GULP1: variants seen among roughly 807,000 people sequenced by gnomAD.
The protein encoded by GULP1 is PTB domain-containing engulfment adapter protein 1.
Under a neutral mutation model 40.9 loss-of-function variants are expected in GULP1, and 19 were observed. The ratio of observed to expected loss-of-function variants is 0.46; its 90% CI spans 0.32 to 0.68. The LOEUF (loss-of-function observed/expected upper bound fraction) is 0.68, where lower values mean the gene tolerates loss of function less well. GULP1 is among the 30% of genes least tolerant of loss of function. The pLI is 0.03. For synonymous variants in GULP1, 119 were observed against 117.6 expected (o/e 1.01, Z -0.08); for missense variants, 312 against 362.2 (o/e 0.86, Z 1.12).
At chr2:188,486,582 T>A (rs1396821976) in intron 4 of GULP1, among the ~76,000 whole-genome samples, 1 of 151,990 alleles carries the variant, frequency 6.6e-6, no homozygotes, top group Non-Finnish European at 1.5e-5. Flanking sequence ...TATTTTATAA[T>A]TCTTTTTTAG....
intron 8 of GULP1, 179 bp downstream of exon 8, chr2:188,569,534 T>A: frequency 1.8e-6 from 1 of 561,540 alleles, no homozygotes; most frequent in Non-Finnish European, 3.2e-6. Flanking sequence ...TTTTTTTTTT[T>A]TAACTATTTT....
At chr2:188,481,124 G>A (rs534193986) in intron 3 of GULP1, among the ~76,000 whole-genome samples, 170 of 151,818 alleles carry the variant, frequency 1.1e-3, no homozygotes, top group African/African-American at 4.0e-3. Context: ...TGAAATGTTG[G>A]CATTTTCCTT....
chr2:188,595,819 AC>A lies in GULP1; in HGVS notation c.*1809del, dbSNP rs1704329145. ...GTACATAACTGGTCATTAATTATGA[AC>A]ATTTATTTCTCCAGTGCGTTTTTAT... is the stretch of plus-strand genomic sequence containing the variant. On this transcript the variant is annotated 3_prime_UTR_variant, in exon 12 of 12. Transcript: ENST00000409830. 1 of 152,252 alleles carries A rather than the reference AC, an allele frequency of 6.6e-6. No individual in the cohort carries two copies. Among genetic ancestry groups the A allele is most frequent in the Non-Finnish European group, 1.5e-5 (1 of 67,800 alleles). 9.4% of individuals were successfully genotyped at this position (152,252 alleles called of 1,614,324 possible).
intron 10 of GULP1, among the ~76,000 whole-genome samples, chr2:188,585,237 C>T (rs989881986): frequency 9.9e-5 from 15 of 152,176 alleles, no homozygotes; most frequent in African/African-American, 1.9e-4. Flanking sequence ...AGGGTACAGC[C>T]CCCATAGCTG....
At chr2:188,485,405 G>A (rs916172860) in intron 4 of GULP1, among the ~76,000 whole-genome samples, 31 of 151,976 alleles carry the variant, frequency 2.0e-4, no homozygotes, top group African/African-American at 7.5e-4. Context: ...ATGGCCTCAT[G>A]AGTGATAATA....
intron 4 of GULP1, among the ~76,000 whole-genome samples, chr2:188,508,970 T>C (rs1302661027): frequency 6.6e-6 from 1 of 151,996 alleles, no homozygotes; most frequent in Non-Finnish European, 1.5e-5. Context: ...TCAGTGGCAT[T>C]AAAATTCATA....
At chr2:188,471,726 A>T (rs1478865578) in intron 2 of GULP1, among the ~76,000 whole-genome samples, 2 of 152,156 alleles carry the variant, frequency 1.3e-5, no homozygotes, top group Non-Finnish European at 2.9e-5. Flanking sequence ...ATCTTATTGT[A>T]CTATGTCCAG....
At chr2:188,436,680 A>C (rs1285014601) in intron 2 of GULP1, among the ~76,000 whole-genome samples, 2 of 152,088 alleles carry the variant, frequency 1.3e-5, no homozygotes, top group African/African-American at 4.8e-5. Context: ...ATTTTCAGCT[A>C]TATTTCATAA....
intron 7 of GULP1, among the ~76,000 whole-genome samples, chr2:188,547,148 T>C (rs1041882206): frequency 2.0e-5 from 3 of 151,538 alleles, no homozygotes; most frequent in African/African-American, 7.3e-5. Flanking sequence ...TTCTATACAA[T>C]CCATTCCAGT....
chr2:188,296,192 A>C (rs776159986), intron 1 of GULP1, among the ~76,000 whole-genome samples: 7 of 152,102 alleles, frequency 4.6e-5, no homozygotes, highest in Non-Finnish European at 7.4e-5. Flanking sequence ...TAAGAGCATA[A>C]AATATACTCA....
At chr2:188,389,893 T>A (rs2152542241) in intron 2 of GULP1, among the ~76,000 whole-genome samples, 1 of 152,278 alleles carries the variant, frequency 6.6e-6, no homozygotes, top group Non-Finnish European at 1.5e-5. Flanking sequence ...ATTCCTGAGT[T>A]ATTTCACTTG....
chr2:188,558,282 A>G (rs1695335232), intron 7 of GULP1, among the ~76,000 whole-genome samples: 1 of 152,158 alleles, frequency 6.6e-6, no homozygotes, highest in Admixed American at 6.5e-5. Context: ...AGTTTCCCCC[A>G]TACTATTCTC....
chr2:188,327,622 A>T (rs2040940856), intron 1 of GULP1, among the ~76,000 whole-genome samples: 1 of 152,126 alleles, frequency 6.6e-6, no homozygotes, highest in African/African-American at 2.4e-5. Context: ...TGCAATTAAG[A>T]TGATTTAAAC....
intron 3 of GULP1, among the ~76,000 whole-genome samples, chr2:188,478,192 A>C (rs539932446): frequency 6.6e-6 from 1 of 152,250 alleles, no homozygotes; most frequent in African/African-American, 2.4e-5. Context: ...CAATGAGGCC[A>C]CAATAAGTTT....
chr2:188,518,355 A>G (rs2065397382), intron 4 of GULP1, among the ~76,000 whole-genome samples: 2 of 152,178 alleles, frequency 1.3e-5, no homozygotes, highest in Non-Finnish European at 2.9e-5. Context: ...GCTCTGCATC[A>G]TAACATTATA....
intron 4 of GULP1, among the ~76,000 whole-genome samples, chr2:188,521,289 A>G (rs1005729388): frequency 1.3e-5 from 2 of 152,196 alleles, no homozygotes; most frequent in African/African-American, 4.8e-5. Flanking sequence ...AGGAGGTATT[A>G]TATCTTTCCA....
rs1574579635 is a variant in GULP1 at position 188,345,091 on chromosome 2, G to T, written c.-171-38672G>T. ...GTATGTACTTCAGGCTCTGACAAAGGTACACTTTTTGCTAACTAAGTGTGG... is the reference window on the plus strand; with the variant it reads ...GTATGTACTTCAGGCTCTGACAAAGTTACACTTTTTGCTAACTAAGTGTGG... On this transcript the variant is annotated intron_variant, in intron 1 of 11. Transcript: ENST00000409830. 3.9e-5 allele frequency among the ~76,000 whole-genome samples: 6 copies of T among 152,178 alleles called. 1 individual carries two copies. Among genetic ancestry groups the T allele is most frequent in the Admixed American group, 3.9e-4 (6 of 15,290 alleles).
chr2:188,570,103 C>G lies in GULP1; in HGVS notation c.592C>G (p.Gln198Glu). The G allele has an allele frequency of 7.1e-7, 1 of 1,408,292 alleles. No homozygotes were observed. The allele number at this position is 1,408,292 out of a possible 1,614,324, so 87.2% of individuals were successfully genotyped here. ...QDLENQLRIT[Q>E]VSAPPAGSMT... ...TTTGGAAAACCAACTGAGAATAACT[C>G]AAGTATCAGCACCTCCAGTGAGTAT... Residue 198 changes from glutamine to glutamate, a missense_variant, in exon 9 of 12, where the codon CAA becomes GAA. By Grantham distance (29) the Gln-to-Glu change is conservative (BLOSUM62 2). Transcript: ENST00000409830.
At chr2:188,566,794 CAAAAAAAAAA>C (rs11350294) in intron 7 of GULP1, among the ~76,000 whole-genome samples, 8 of 26,916 alleles carry the variant, frequency 3.0e-4, no homozygotes, top group Admixed American at 6.0e-4. Context: ...GACTCCATCT[CAAAAAAAAAA>C]AAAAAAAAAA....
Sources: gnomAD v4.1 joint callset for allele counts (sites outside exome capture counted in the v4.1 genomes callset) on GRCh38, gnomAD v4.1.1 for gene constraint, MANE v1.5 for transcripts, NCBI Gene and HGNC (gene_info 2026-07-23, HGNC 2026-07-21) for gene names.